The following ZMYM6 variants were observed in gnomAD, a reference collection of about 807,000 sequenced individuals.
ZMYM6 encodes zinc finger MYM-type containing 6.
A neutral mutation model predicts 134.0 loss-of-function variants in ZMYM6; 90 were observed. The observed-to-expected ratio is 0.67, with a 90% CI of 0.57 to 0.80. ZMYM6 has a LOEUF of 0.80. ZMYM6 is among the 30% of genes least tolerant of loss of function. The pLI is 0.00. For synonymous variants in ZMYM6, 481 were observed against 524.1 expected (o/e 0.92, Z 1.12); for missense variants, 1,362 against 1,533.9 (o/e 0.89, Z 1.87).
At chr1:35,020,568 CTTTTTTTTTT>C (rs942213398) in intron 2 of ZMYM6, 101 bp from the exon 3 acceptor site, 2 of 241,470 alleles carry the variant, frequency 8.3e-6, no homozygotes, top group Non-Finnish European at 1.3e-5. Context: ...TATTCATCTC[CTTTTTTTTTT>C]TTTTTTTTTT....
intron 15 of ZMYM6, chr1:34,989,500 A>C (rs1640631433): frequency 6.6e-6 from 1 of 152,346 alleles, no homozygotes; most frequent in African/African-American, 2.4e-5. Flanking sequence ...GCCTGCAGAG[A>C]GCCATGATCA....
rs114646190 is a variant in ZMYM6, at chr1:34,997,594, C to T, written c.1993-5207G>A. ...TGTTGGGATTACAGGCATGAGCCAC[C>T]GCACCTGGCCCATAGAAGCTCTTTA... is the stretch of plus-strand genomic sequence containing the variant. On this transcript the variant is annotated intron_variant, in intron 14 of 15. Coordinates refer to ENST00000357182, the MANE Select transcript of ZMYM6 (RefSeq NM_007167.4). Among the ~76,000 whole-genome samples the T allele has an allele frequency of 2.7e-3, 417 of 152,186 alleles. 5 individuals are homozygous for T. The highest frequency in any genetic ancestry group is 9.7e-3 in the African/African-American group (402 of 41,542).
chr1:35,014,671 T>G (rs1208097551), intron 6 of ZMYM6, 26 bp downstream of exon 6: 1 of 1,603,978 alleles, frequency 6.2e-7, no homozygotes, highest in Non-Finnish European at 8.5e-7. Context: ...TGGGCCTAAG[T>G]ACATGCAACA....
Position 35,012,854 on chromosome 1 carries a change from A to G in ZMYM6, c.796-273T>C, listed in dbSNP as rs149889168. On this transcript the variant is annotated intron_variant, in intron 6 of 15. Transcript: ENST00000357182. ...AAGTAATGAATTAAATAGTCATTACATACTTTTTAATCACCAATAACCAGA... is the reference window on the plus strand; with the variant it reads ...AAGTAATGAATTAAATAGTCATTACGTACTTTTTAATCACCAATAACCAGA... 8.2e-4 allele frequency: 806 copies of G among 985,426 alleles called. 11 individuals are homozygous for G. In the African/African-American group the frequency reaches 0.013, roughly 16 times the overall value. 61.0% of individuals were successfully genotyped at this position (985,426 alleles called of 1,614,324 possible). A position where few individuals can be genotyped will look rare whatever the true frequency, so the allele number is the denominator to read the frequency against.
At position 35,003,964 on chromosome 1, in the gene ZMYM6, T is replaced by C; in HGVS notation, c.1992+4A>G. On this transcript the variant is annotated splice_donor_region_variant and intron_variant, in intron 14 of 15. Coordinates refer to ENST00000357182, the MANE Select transcript of ZMYM6 (RefSeq NM_007167.4). ...TCAAGAAAAGTATTAACAATTAAAC[T>C]CACATCTTGAATGATCTTTGCTGCC... 2 of 1,611,574 alleles carry C rather than the reference T, an allele frequency of 1.2e-6. No homozygotes were observed. The highest frequency in any genetic ancestry group is 1.7e-6 in the Non-Finnish European group (2 of 1,178,288).
At position 35,011,017 on chromosome 1, in the gene ZMYM6, T is replaced by G. The variant is rs773905203; in HGVS notation, c.1082A>C (p.Lys361Thr). ...GGGCACCGCCGAAGAGTTTGTTCCT[T>G]TTGGCTTGCTAAATACATTCTGAAT... ...VAFQNVFSKPKGTNSSAVPLS... is the reference protein window; with the variant it reads ...VAFQNVFSKPTGTNSSAVPLS... Residue 361 changes from lysine (K) to threonine (T), a missense_variant, in exon 9 of 16, where the codon AAA becomes ACA. Lys to Thr is a moderately conservative substitution (Grantham distance 78). This residue lies in a region of ZMYM6 where 503 missense variants were observed against 520.8 expected (regional missense o/e 0.97). Transcript: ENST00000357182. 1 of 1,613,424 alleles carries G rather than the reference T, an allele frequency of 6.2e-7. No homozygotes were observed. The highest frequency in any genetic ancestry group is 1.3e-5 in the African/African-American group (1 of 74,916).
chr1:35,002,333 C>A (rs1640894442), intron 14 of ZMYM6, among the ~76,000 whole-genome samples: 1 of 152,160 alleles, frequency 6.6e-6, no homozygotes, highest in Non-Finnish European at 1.5e-5. Context: ...GTTTTCATAG[C>A]TTTGGAGTTA....
chr1:34,991,155 C>T (rs1172103505), intron 15 of ZMYM6, among the ~76,000 whole-genome samples: 8 of 152,074 alleles, frequency 5.3e-5, no homozygotes, highest in African/African-American at 1.9e-4. Flanking sequence ...TGAGCCACCA[C>T]GTCTGACCAA....
In ZMYM6 at chr1:34,988,867, C is replaced by T. The variant is rs1236406233; in HGVS notation, c.2215G>A (p.Gly739Ser). 6.2e-7 allele frequency: 1 copy of T among 1,609,386 alleles called. No individual in the cohort carries two copies. Among genetic ancestry groups the T allele is most frequent in the Non-Finnish European group, 8.5e-7 (1 of 1,177,542 alleles). The change falls in exon 16 of 16, where the codon GGT (glycine) becomes AGT (serine). Residue 739 changes from glycine (G) to serine (S), a missense_variant. By Grantham distance (56) the Gly-to-Ser change is moderately conservative. Transcript: ENST00000357182. ...DSPPSKKKRL[G>S]FFQTYDTEYL... The stretch of plus-strand genomic sequence containing the variant: ...TCTGTATCATAAGTCTGGAAAAAAC[C>T]TAATCTTTTTTTCTTTGAAGGTGGA...
chr1:34,987,490 A>G lies in ZMYM6; in HGVS notation c.3592T>C (p.Phe1198Leu). 2 of 1,613,306 alleles carry G rather than the reference A, an allele frequency of 1.2e-6. No individual in the cohort carries two copies. The highest frequency in any genetic ancestry group is 1.7e-6 in the Non-Finnish European group (2 of 1,179,574). Residue 1198 changes from phenylalanine to leucine, a missense_variant, in exon 16 of 16, where the codon TTC becomes CTC. Phe to Leu is a conservative substitution (Grantham distance 22). Coordinates refer to ENST00000357182, the MANE Select transcript of ZMYM6 (RefSeq NM_007167.4). Reference sequence around the variant, plus strand: ...TGTTCTGGTGGAAAACAGTCACTGAACACTTGAGAAAGTCCTTCCAGGTGC... The same window carrying G: ...TGTTCTGGTGGAAAACAGTCACTGAGCACTTGAGAAAGTCCTTCCAGGTGC... ...FEHLEGLSQV[F>L]SDCFPPEQDL...
chr1:35,026,909 T>A (rs1641424666), intron 2 of ZMYM6, among the ~76,000 whole-genome samples: 1 of 152,078 alleles, frequency 6.6e-6, no homozygotes, highest in Admixed American at 6.6e-5. Context: ...AGTGTGTCAA[T>A]GAAAGATGAG....
intron 15 of ZMYM6, among the ~76,000 whole-genome samples, chr1:34,990,743 TAATAA>T (rs1336634131): frequency 6.6e-6 from 1 of 152,190 alleles, no homozygotes; most frequent in East Asian, 1.9e-4. Flanking sequence ...AAAATAAACA[TAATAA>T]AATAAAAATT....
At chr1:35,021,888 T>A (rs1201541534) in intron 2 of ZMYM6, among the ~76,000 whole-genome samples, 1 of 152,160 alleles carries the variant, frequency 6.6e-6, no homozygotes, top group Non-Finnish European at 1.5e-5. Flanking sequence ...ATTGCAACCA[T>A]CCTTTTTTTT....
intron 14 of ZMYM6, among the ~76,000 whole-genome samples, chr1:35,001,275 T>G (rs563804719): frequency 2.6e-3 from 389 of 151,842 alleles, no homozygotes; most frequent in East Asian, 4.6e-3. Flanking sequence ...CAGGTGTTTT[T>G]TTTTTTTTTT....
intron 2 of ZMYM6, 40 bp downstream of exon 2, chr1:35,030,507 G>T: frequency 6.4e-7 from 1 of 1,571,208 alleles, no homozygotes; most frequent in Non-Finnish European, 8.6e-7. Context: ...TGGAAAAGAA[G>T]GAATTTTTTT....
chr1:35,028,649 A>G (rs1569803386), intron 2 of ZMYM6, among the ~76,000 whole-genome samples: 1 of 151,302 alleles, frequency 6.6e-6, no homozygotes, highest in African/African-American at 2.4e-5. Context: ...ACAGGCGCCC[A>G]CCACCACGCC....
chr1:35,012,868 C>T, intron 6 of ZMYM6: 1 of 985,334 alleles, frequency 1.0e-6, no homozygotes, highest in Non-Finnish European at 1.2e-6. Flanking sequence ...TTTTTAATCA[C>T]CAATAACCAG....
At chr1:35,002,668 G>C (rs1640899233) in intron 14 of ZMYM6, among the ~76,000 whole-genome samples, 1 of 152,024 alleles carries the variant, frequency 6.6e-6, no homozygotes, top group South Asian at 2.1e-4. Flanking sequence ...TATTCTGCTG[G>C]GTACACTCTC....
At chr1:34,992,490 A>G (rs1640694947) in intron 14 of ZMYM6, 103 bp from the exon 15 acceptor site, 5 of 1,249,492 alleles carry the variant, frequency 4.0e-6, no homozygotes, top group Non-Finnish European at 3.3e-6. Flanking sequence ...CAAGAGAAAT[A>G]TAATTCCTCT....
Sources: allele counts gnomAD v4.1 joint callset (sites outside exome capture counted in the v4.1 genomes callset), GRCh38; gene constraint gnomAD v4.1.1; regional missense constraint gnomAD v4.1.1; transcripts MANE v1.5; gene names NCBI Gene and HGNC (gene_info 2026-07-23, HGNC 2026-07-21).